The following CYP2C19 variants were observed in gnomAD, a reference collection of about 807,000 sequenced individuals.
CYP2C19 encodes the protein cytochrome P450 family 2 subfamily C member 19.
A neutral mutation model predicts 40.9 loss-of-function variants in CYP2C19; 59 were observed. That is an observed-to-expected ratio of 1.44 (90% CI 1.17 to 1.79). The LOEUF (loss-of-function observed/expected upper bound fraction) is 1.79. CYP2C19 is among the 40% of genes most tolerant of loss of function. CYP2C19 has a pLI of 0.00. For missense variants in CYP2C19, 754 were observed against 596.9 expected (o/e 1.26, Z -2.74); for synonymous variants, 253 against 208.7 (o/e 1.21, Z -1.83).
At chr10:94,796,630 T>C (rs1321316687) in intron 5 of CYP2C19, among the ~76,000 whole-genome samples, 1 of 152,196 alleles carries the variant, frequency 6.6e-6, no homozygotes. Flanking sequence ...TCCATGAGCA[T>C]GGAATGTTCT....
At chr10:94,830,715 A>G (rs1384153422) in intron 6 of CYP2C19, among the ~76,000 whole-genome samples, 1 of 152,308 alleles carries the variant, frequency 6.6e-6, no homozygotes, top group South Asian at 2.1e-4. Flanking sequence ...TTACTTATAT[A>G]TACTAACGTA....
intron 1 of CYP2C19, among the ~76,000 whole-genome samples, chr10:94,772,908 A>T (rs1206986426): frequency 6.6e-6 from 1 of 152,088 alleles, no homozygotes; most frequent in Non-Finnish European, 1.5e-5. Flanking sequence ...CAGCCTCCCG[A>T]GTAGCTGGGA....
chr10:94,844,267 G>C (rs1453712637), intron 7 of CYP2C19, among the ~76,000 whole-genome samples: 3 of 152,220 alleles, frequency 2.0e-5, no homozygotes. Context: ...CAGAATTTCA[G>C]AGGATGTTTA....
intron 8 of CYP2C19, among the ~76,000 whole-genome samples, chr10:94,852,253 T>C (rs944659804): frequency 6.6e-6 from 1 of 152,080 alleles, no homozygotes; most frequent in Admixed American, 6.6e-5. Context: ...GGGGGTAACA[T>C]GTTTAGACAT....
In CYP2C19 at chr10:94,852,765, C is replaced by G. The variant is rs192154563; in HGVS notation, c.1324C>G (p.Arg442Gly). The change falls in exon 9 of 9, where the codon CGC becomes GGC. Residue 442 changes from arginine (R) to glycine (G), a missense_variant. Coordinates refer to ENST00000371321, the MANE Select transcript of CYP2C19 (RefSeq NM_000769.4). Reference protein sequence around the residue: ...KRICVGEGLARMELFLFLTFI... With the variant: ...KRICVGEGLAGMELFLFLTFI... ...GATTTGTGTGGGAGAGGGCCTGGCC[C>G]GCATGGAGCTGTTTTTATTCCTGAC... is the stretch of plus-strand genomic sequence containing the variant. 9 of 1,613,954 alleles carry G rather than the reference C, an allele frequency of 5.6e-6. No homozygotes were observed. The highest frequency in any genetic ancestry group is 5.5e-5 in the South Asian group (5 of 91,082).
intron 6 of CYP2C19, among the ~76,000 whole-genome samples, chr10:94,827,482 T>C (rs1849247454): frequency 2.0e-5 from 3 of 152,122 alleles, no homozygotes; most frequent in Non-Finnish European, 4.4e-5. Context: ...GATGGTAGTT[T>C]GTATTTCTGT....
At chr10:94,780,890 G>GT (rs888491696) in intron 4 of CYP2C19, among the ~76,000 whole-genome samples, 7 of 152,052 alleles carry the variant, frequency 4.6e-5, no homozygotes, top group Admixed American at 3.9e-4. Context: ...CCTGATCAGT[G>GT]TTTTTTCCAC....
In CYP2C19 at chr10:94,793,218, G is replaced by GGAACA. The variant is rs1398510497; in HGVS notation, c.819+11221_819+11222insGAACA. On this transcript the variant is annotated intron_variant, in intron 5 of 8. Transcript: ENST00000371321. ...TTTCAGTTCCATCAGGTCATTTAAG[G>GGAACA]TCTTCCCTATGCTGTTTATTCTAGT... Among the ~76,000 whole-genome samples, 33 of 152,088 alleles carry GGAACA rather than the reference G, an allele frequency of 2.2e-4. 1 individual carries two copies. The South Asian group carries it at 6.4e-3, about 30-fold the overall frequency.
In CYP2C19 at chr10:94,853,907, C is replaced by T. The variant is rs1196366166; in HGVS notation, c.*993C>T. On this transcript the variant is annotated 3_prime_UTR_variant, in exon 9 of 9. Transcript: ENST00000371321. Reference sequence around the variant, plus strand: ...ATAAAGAATCAGGTTACTTTTATTACTTCATGTTTCCAACTTAGAATGAAG... The same window carrying T: ...ATAAAGAATCAGGTTACTTTTATTATTTCATGTTTCCAACTTAGAATGAAG... Among the ~76,000 whole-genome samples, 3 of 152,094 alleles carry T rather than the reference C, an allele frequency of 2.0e-5. No homozygotes were observed. Among genetic ancestry groups the T allele is most frequent in the Non-Finnish European group, 4.4e-5 (3 of 68,022 alleles).
Position 94,854,796 on chromosome 10 carries a change from CA to C in CYP2C19, c.*1886del, listed in dbSNP as rs544017650. On this transcript the variant is annotated 3_prime_UTR_variant, in exon 9 of 9. Transcript: ENST00000371321. The stretch of plus-strand genomic sequence containing the variant: ...ATTTTCCTACCAAGTAATATGCCAG[CA>C]AAACCTCTAAGGTGATAGAAACATA... Among the ~76,000 whole-genome samples the C allele has an allele frequency of 8.6e-5, 13 of 152,038 alleles. 1 individual carries two copies. The South Asian group carries it at 2.7e-3, about 32-fold the overall frequency.
intron 6 of CYP2C19, among the ~76,000 whole-genome samples, chr10:94,825,864 C>G (rs1211384133): frequency 6.6e-6 from 1 of 150,780 alleles, no homozygotes; most frequent in African/African-American, 2.4e-5. Flanking sequence ...CCAGTTTCAG[C>G]TTTCTACATA....
chr10:94,765,765 G>A lies in CYP2C19; in HGVS notation c.168+2892G>A, dbSNP rs184528353. On this transcript the variant is annotated intron_variant, in intron 1 of 8. Coordinates refer to ENST00000371321, the MANE Select transcript of CYP2C19 (RefSeq NM_000769.4). ...ATGATATTTTGGGGCCCTGAGAAGCGGACAATCCATCTGGATAGAGCTGTT... is the reference window on the plus strand; with the variant it reads ...ATGATATTTTGGGGCCCTGAGAAGCAGACAATCCATCTGGATAGAGCTGTT... Among the ~76,000 whole-genome samples, 192 of 152,188 alleles carry A rather than the reference G, an allele frequency of 1.3e-3. 2 individuals are homozygous for A. Among genetic ancestry groups the A allele is most frequent in the Non-Finnish European group, 2.0e-3 (136 of 68,008 alleles).
intron 1 of CYP2C19, among the ~76,000 whole-genome samples, chr10:94,771,284 G>A (rs1469051019): frequency 3.3e-5 from 5 of 152,082 alleles, no homozygotes; most frequent in Non-Finnish European, 5.9e-5. Flanking sequence ...GAGATTAGAG[G>A]AGGCTTATCA....
In CYP2C19 at chr10:94,796,701, G is replaced by A. The variant is rs971584318; in HGVS notation, c.819+14704G>A. On this transcript the variant is annotated intron_variant, in intron 5 of 8. Transcript: ENST00000371321. ...AGTGGTTTGTAGTTCTCCTTGAAGA[G>A]GTCCTTAACATCACTCCTAAGTTGG... Among the ~76,000 whole-genome samples the A allele has an allele frequency of 7.2e-5, 11 of 152,086 alleles. 1 individual carries two copies. Among genetic ancestry groups the A allele is most frequent in the African/African-American group, 2.7e-4 (11 of 41,414 alleles).
rs116057606 is a variant in CYP2C19 at position 94,781,402 on chromosome 10, T to C, written c.643-419T>C. 4.7e-3 allele frequency among the ~76,000 whole-genome samples: 712 copies of C among 152,252 alleles called. 3 individuals carry two copies. The highest frequency in any genetic ancestry group is 0.017 in the African/African-American group (689 of 41,566). ...TAATTCAATTTCAGAGGCTGCTTGA[T>C]AGAAATCAATATAGCAGGGACTATC... On this transcript the variant is annotated intron_variant, in intron 4 of 8. Transcript: ENST00000371321.
chr10:94,788,934 CA>C (rs1427092073), intron 5 of CYP2C19, among the ~76,000 whole-genome samples: 1 of 152,164 alleles, frequency 6.6e-6, no homozygotes, highest in Non-Finnish European at 1.5e-5. Context: ...CTGCCTTCCA[CA>C]ATGATTGAAC....
chr10:94,835,615 G>A lies in CYP2C19; in HGVS notation c.962-7222G>A, dbSNP rs544379976. On this transcript the variant is annotated intron_variant, in intron 6 of 8. Transcript: ENST00000371321. ...TTTCCTTTCTGATGACCCCAGCAGT[G>A]TAAGACTGCCACCTCTTTAGGTTTC... is the stretch of plus-strand genomic sequence containing the variant. Among the ~76,000 whole-genome samples the A allele has an allele frequency of 4.6e-3, 703 of 152,088 alleles. 6 individuals carry two copies. Among genetic ancestry groups the A allele is most frequent in the African/African-American group, 0.016 (671 of 41,476 alleles).
intron 6 of CYP2C19, among the ~76,000 whole-genome samples, chr10:94,823,970 C>T (rs1849170473): frequency 2.0e-5 from 3 of 152,084 alleles, no homozygotes; most frequent in Admixed American, 2.0e-4. Flanking sequence ...TGAGATGAGA[C>T]AGCAAGAACA....
chr10:94,820,689 G>T, intron 6 of CYP2C19, 52 bp downstream of exon 6: 1 of 1,606,198 alleles, frequency 6.2e-7, no homozygotes, highest in Non-Finnish European at 8.5e-7. Context: ...TGTTGGGAAG[G>T]TGCTGCTAGT....
Sources: allele counts gnomAD v4.1 joint callset (sites outside exome capture counted in the v4.1 genomes callset), GRCh38; gene constraint gnomAD v4.1.1; transcripts MANE v1.5; gene names NCBI Gene and HGNC (gene_info 2026-07-23, HGNC 2026-07-21).